MED12L: variants seen among roughly 807,000 people sequenced by gnomAD.
MED12L encodes mediator complex subunit 12L.
Under a neutral mutation model 281.3 loss-of-function variants are expected in MED12L, and 60 were observed. That is an observed-to-expected ratio of 0.21 (90% CI 0.17 to 0.26). MED12L has a LOEUF of 0.26. Among genes scored for constraint, MED12L ranks in the 10% least tolerant of loss-of-function variants. MED12L has a pLI of 1.00. For missense variants in MED12L, 2,146 were observed against 2,680.9 expected (o/e 0.80, Z 4.41); for synonymous variants, 974 against 987.2 (o/e 0.99, Z 0.25).
intron 43 of MED12L, among the ~76,000 whole-genome samples, chr3:151,429,160 C>T (rs1464791928): frequency 1.3e-5 from 2 of 152,204 alleles, no homozygotes; most frequent in Non-Finnish European, 2.9e-5. Context: ...CTGCAACCTT[C>T]CCGGTGTGGG....
rs137890322 is a variant in MED12L, at chr3:151,383,799, G to A, written c.4701G>A (p.Thr1567=). 1,489 of 1,612,322 alleles carry A rather than the reference G, an allele frequency of 9.2e-4. 1 individual carries two copies. The highest frequency in any genetic ancestry group is 1.2e-3 in the Non-Finnish European group (1,382 of 1,179,196). Residue 1567 remains threonine (T), a synonymous_variant, in exon 34 of 45, where the codon ACG becomes ACA. Transcript: ENST00000687756. The stretch of plus-strand genomic sequence containing the variant: ...GCTAGGTAGGAGGAATGTTTGACAC[G>A]GTGCAGAGGAGCACCCAGTGGACTA... ...RLNLVGGMFD[T]VQRSTQWTTD...
In MED12L at chr3:151,432,944, A is replaced by T; in HGVS notation, c.*140A>T. 1 of 440,944 alleles carries T rather than the reference A, an allele frequency of 2.3e-6. No individual in the cohort carries two copies. Among genetic ancestry groups the T allele is most frequent in the Non-Finnish European group, 3.9e-6 (1 of 258,136 alleles). 27.3% of individuals were successfully genotyped at this position (440,944 alleles called of 1,614,324 possible). On this transcript the variant is annotated 3_prime_UTR_variant, in exon 45 of 45. Transcript: ENST00000687756. The stretch of plus-strand genomic sequence containing the variant: ...CTATATTTTATGCTACATCTCACAA[A>T]AAAAAAAAAAGGTGTTTAAACAAAA...
At chr3:151,196,747 G>GT (rs892786186) in intron 16 of MED12L, among the ~76,000 whole-genome samples, 1 of 152,176 alleles carries the variant, frequency 6.6e-6, no homozygotes, top group African/African-American at 2.4e-5. Context: ...GCATTATCTT[G>GT]TTGTATGTTT....
Position 151,270,602 on chromosome 3 carries a change from A to G in MED12L, c.2250+76936A>G, listed in dbSNP as rs188153046. On this transcript the variant is annotated intron_variant, in intron 16 of 44. Transcript: ENST00000687756. The stretch of plus-strand genomic sequence containing the variant: ...GGATAGTTAGCATTTGCCAACATGT[A>G]TCTGTCTACTTTCTCTTGTTTAAAA... Among the ~76,000 whole-genome samples the G allele has an allele frequency of 1.1e-4, 16 of 152,222 alleles. No individual in the cohort carries two copies. In the East Asian group the frequency reaches 3.1e-3, roughly 29 times the overall value.
intron 43 of MED12L, among the ~76,000 whole-genome samples, chr3:151,419,753 G>C (rs185469921): frequency 7.9e-5 from 12 of 152,126 alleles, no homozygotes; most frequent in Admixed American, 2.0e-4. Context: ...TCCTGCAACC[G>C]GAAACGCACC....
intron 16 of MED12L, among the ~76,000 whole-genome samples, chr3:151,232,566 AGAAAAT>A (rs1415891897): frequency 6.6e-6 from 1 of 152,262 alleles, no homozygotes; most frequent in Non-Finnish European, 1.5e-5. Flanking sequence ...GATTGGATAA[AGAAAAT>A]GTGGCACATA....
chr3:151,112,688 T>G (rs1712106917), intron 2 of MED12L, among the ~76,000 whole-genome samples: 1 of 152,238 alleles, frequency 6.6e-6, no homozygotes, highest in South Asian at 2.1e-4. Context: ...TATCTATGAA[T>G]TTCATTTCAC....
intron 31 of MED12L, 57 bp from the exon 32 acceptor site, chr3:151,380,056 G>A: frequency 9.3e-7 from 1 of 1,076,738 alleles, no homozygotes; most frequent in Admixed American, 2.5e-5. Context: ...AATGTTGCCA[G>A]AGGAAGTAAT....
chr3:151,165,030 A>AT (rs1720518685), intron 9 of MED12L, among the ~76,000 whole-genome samples: 1 of 15,856 alleles, frequency 6.3e-5, no homozygotes, highest in Non-Finnish European at 1.8e-4. Context: ...ATATTCATCC[A>AT]TTAAAAAAAA....
At chr3:151,160,852 A>G (rs1355445333) in intron 8 of MED12L, among the ~76,000 whole-genome samples, 4 of 152,160 alleles carry the variant, frequency 2.6e-5, no homozygotes, top group Non-Finnish European at 4.4e-5. Flanking sequence ...CCAGCCTAAA[A>G]CTCACGGAGG....
rs140623947 is a variant in MED12L at position 151,319,068 on chromosome 3, C to T, written c.2251-30991C>T. 4.0e-3 allele frequency among the ~76,000 whole-genome samples: 606 copies of T among 152,210 alleles called. 5 individuals are homozygous for T. The highest frequency in any genetic ancestry group is 0.014 in the African/African-American group (588 of 41,524). The stretch of plus-strand genomic sequence containing the variant: ...TAGTATAGTAACAAAAAAGTTAACG[C>T]AAGGCAGCCTTTATGCGTTAGTCTT... On this transcript the variant is annotated intron_variant, in intron 16 of 44. Coordinates refer to ENST00000687756, the MANE Select transcript of MED12L (RefSeq NM_001393769.1).
chr3:151,355,481 G>A (rs1200024997), intron 18 of MED12L, among the ~76,000 whole-genome samples: 1 of 152,076 alleles, frequency 6.6e-6, no homozygotes, highest in African/African-American at 2.4e-5. Flanking sequence ...TAAAGTAATA[G>A]CTAATGAAAT....
At chr3:151,091,785 A>G (rs1179549833) in intron 2 of MED12L, among the ~76,000 whole-genome samples, 1 of 152,142 alleles carries the variant, frequency 6.6e-6, no homozygotes, top group Admixed American at 6.5e-5. Context: ...CTCTGCAGTC[A>G]TTGCCTGCAG....
chr3:151,337,407 C>T (rs1470844134), intron 16 of MED12L: 1 of 186,930 alleles, frequency 5.3e-6, no homozygotes, highest in African/African-American at 2.4e-5. Flanking sequence ...TTTTAACTAT[C>T]ATTTTTGGTA....
intron 16 of MED12L, among the ~76,000 whole-genome samples, chr3:151,215,654 A>G (rs1728063937): frequency 6.6e-6 from 1 of 152,220 alleles, no homozygotes; most frequent in African/African-American, 2.4e-5. Context: ...ATTAAATTCA[A>G]AAGGTTATTT....
At chr3:151,174,051 T>G (rs796953666) in intron 11 of MED12L, among the ~76,000 whole-genome samples, 15 of 152,324 alleles carry the variant, frequency 9.8e-5, no homozygotes, top group African/African-American at 3.6e-4. Flanking sequence ...TAGACTTTTT[T>G]CAGATTTTGG....
At chr3:151,409,374 G>A (rs1428369722) in intron 40 of MED12L, 42 bp downstream of exon 40, 2 of 1,575,268 alleles carry the variant, frequency 1.3e-6, no homozygotes, top group African/African-American at 1.3e-5. Flanking sequence ...GATTTTCAAA[G>A]CTCTTTATTG....
chr3:151,091,538 G>A (rs181901720), intron 2 of MED12L, among the ~76,000 whole-genome samples: 158 of 152,320 alleles, frequency 1.0e-3, no homozygotes, highest in Admixed American at 4.1e-3. Context: ...CTTGATACGA[G>A]CAGGGCTGGA....
At chr3:151,129,131 TC>T (rs1173841498) in intron 5 of MED12L, among the ~76,000 whole-genome samples, 1 of 152,190 alleles carries the variant, frequency 6.6e-6, no homozygotes, top group Non-Finnish European at 1.5e-5. Flanking sequence ...GAGAGTCCAA[TC>T]ACAAATCTCT....
Sources: gnomAD v4.1 joint callset for allele counts (sites outside exome capture counted in the v4.1 genomes callset) on GRCh38, gnomAD v4.1.1 for gene constraint, MANE v1.5 for transcripts, NCBI Gene and HGNC (gene_info 2026-07-23, HGNC 2026-07-21) for gene names.